Variants in CHRM3 observed in about 807,000 individuals in gnomAD.
CHRM3 encodes muscarinic acetylcholine receptor M3.
In CHRM3, 11 loss-of-function variants were observed where a neutral mutation model predicts 41.8. The ratio of observed to expected loss-of-function variants is 0.26; its 90% CI spans 0.17 to 0.44. The LOEUF (loss-of-function observed/expected upper bound fraction) is 0.44. CHRM3 is among the 20% of genes least tolerant of loss of function. The pLI is 1.00. For missense variants in CHRM3, 571 were observed against 745.4 expected (o/e 0.77, Z 2.72); for synonymous variants, 297 against 301.4 (o/e 0.99, Z 0.15).
At chr1:239,703,534 A>C (rs1417175975) in intron 5 of CHRM3, 1 of 152,178 alleles carries the variant, frequency 6.6e-6, no homozygotes, top group African/African-American at 2.4e-5. Flanking sequence ...CCTCTGACAT[A>C]AGCATTAAAA....
At chr1:239,492,343 A>T (rs1667608226) in intron 1 of CHRM3, among the ~76,000 whole-genome samples, 1 of 152,106 alleles carries the variant, frequency 6.6e-6, no homozygotes, top group East Asian at 1.9e-4. Context: ...TAAGATATTA[A>T]ACTCAACTTC....
At chr1:239,833,237 T>C (rs1465629411) in intron 6 of CHRM3, among the ~76,000 whole-genome samples, 1 of 152,208 alleles carries the variant, frequency 6.6e-6, no homozygotes, top group Non-Finnish European at 1.5e-5. Context: ...TGAAGCTTTT[T>C]CCTTGCATCA....
At chr1:239,440,361 G>A (rs1048775894) in intron 1 of CHRM3, among the ~76,000 whole-genome samples, 4 of 152,140 alleles carry the variant, frequency 2.6e-5, no homozygotes, top group African/African-American at 9.7e-5. Flanking sequence ...AGTGGCTCAT[G>A]CCTATAATCC....
intron 3 of CHRM3, among the ~76,000 whole-genome samples, chr1:239,550,964 G>A (rs1202855917): frequency 6.6e-6 from 1 of 151,544 alleles, no homozygotes; most frequent in East Asian, 1.9e-4. Flanking sequence ...GATTGCTTTT[G>A]TTCAACATTC....
intron 2 of CHRM3, among the ~76,000 whole-genome samples, chr1:239,524,936 A>G (rs1401322861): frequency 6.6e-6 from 1 of 152,192 alleles, no homozygotes; most frequent in Admixed American, 6.5e-5. Flanking sequence ...TAAAGTATTA[A>G]TAAAGTAATT....
intron 6 of CHRM3, among the ~76,000 whole-genome samples, chr1:239,885,486 G>A (rs1188697103): frequency 1.3e-5 from 2 of 151,998 alleles, no homozygotes; most frequent in Non-Finnish European, 2.9e-5. Flanking sequence ...TAAGTGAGTC[G>A]GCTTTTTGAC....
intron 1 of CHRM3, among the ~76,000 whole-genome samples, chr1:239,488,671 C>T (rs918996198): frequency 4.0e-5 from 5 of 123,520 alleles, no homozygotes; most frequent in East Asian, 5.4e-4. Flanking sequence ...GCCGAGATCC[C>T]GCCACTGCAC....
intron 6 of CHRM3, among the ~76,000 whole-genome samples, chr1:239,871,157 A>G (rs1676547108): frequency 6.6e-6 from 1 of 152,208 alleles, no homozygotes; most frequent in African/African-American, 2.4e-5. Flanking sequence ...ATATAATGTT[A>G]TCTAGAAAGA....
At chr1:239,424,695 G>C (rs909550663) in intron 1 of CHRM3, among the ~76,000 whole-genome samples, 2 of 152,196 alleles carry the variant, frequency 1.3e-5, no homozygotes, top group African/African-American at 4.8e-5. Context: ...TTAGTGGAGA[G>C]CATTTCTGTG....
At chr1:239,540,845 T>G (rs1658704848) in intron 2 of CHRM3, among the ~76,000 whole-genome samples, 1 of 152,150 alleles carries the variant, frequency 6.6e-6, no homozygotes, top group Non-Finnish European at 1.5e-5. Context: ...CATTCCATAA[T>G]GTTAAACTGT....
chr1:239,857,714 G>T (rs1483046844), intron 6 of CHRM3, among the ~76,000 whole-genome samples: 1 of 152,062 alleles, frequency 6.6e-6, no homozygotes, highest in East Asian at 1.9e-4. Flanking sequence ...ACCTCAGCTA[G>T]GTCCAGAAAG....
At chr1:239,895,857 C>G (rs147717091) in intron 6 of CHRM3, among the ~76,000 whole-genome samples, 3 of 152,022 alleles carry the variant, frequency 2.0e-5, no homozygotes, top group Non-Finnish European at 4.4e-5. Context: ...TTGAAAATCT[C>G]CTGTTGGGTA....
At chr1:239,753,539 TACTC>T (rs922272923) in intron 5 of CHRM3, among the ~76,000 whole-genome samples, 4 of 152,112 alleles carry the variant, frequency 2.6e-5, no homozygotes, top group African/African-American at 7.2e-5. Flanking sequence ...CATGAGAACT[TACTC>T]ACTATTACAA....
rs1270943906 is a variant in CHRM3 at position 239,911,729 on chromosome 1, A to C, written c.*2505A>C. The C allele has an allele frequency of 6.0e-6, 1 of 166,704 alleles. No individual in the cohort carries two copies. Among genetic ancestry groups the C allele is most frequent in the African/African-American group, 2.4e-5 (1 of 41,396 alleles). 10.3% of individuals were successfully genotyped at this position (166,704 alleles called of 1,614,324 possible). On this transcript the variant is annotated 3_prime_UTR_variant, in exon 7 of 7. Coordinates refer to ENST00000676153, the MANE Select transcript of CHRM3 (RefSeq NM_001375978.1). Reference sequence around the variant, plus strand: ...ACTCTAGGTCTCCCTTTTTTGTTTTACTGGTTTTATTATAGAATTGTTTTT... The same window carrying C: ...ACTCTAGGTCTCCCTTTTTTGTTTTCCTGGTTTTATTATAGAATTGTTTTT...
intron 5 of CHRM3, among the ~76,000 whole-genome samples, chr1:239,716,840 G>A (rs1390346026): frequency 6.6e-6 from 1 of 152,064 alleles, no homozygotes; most frequent in Non-Finnish European, 1.5e-5. Context: ...GAATGTACAG[G>A]AGGGTTCATT....
At chr1:239,866,267 C>G (rs1321042212) in intron 6 of CHRM3, among the ~76,000 whole-genome samples, 2 of 152,074 alleles carry the variant, frequency 1.3e-5, no homozygotes, top group Non-Finnish European at 2.9e-5. Flanking sequence ...GTCCCAGCTA[C>G]TCGGGAGGCT....
intron 3 of CHRM3, among the ~76,000 whole-genome samples, chr1:239,607,231 C>A (rs1376880510): frequency 6.6e-6 from 1 of 152,134 alleles, no homozygotes; most frequent in African/African-American, 2.4e-5. Context: ...TACCTTATCT[C>A]ATCTACAGAA....
chr1:239,478,113 C>T (rs1180467901), intron 1 of CHRM3, among the ~76,000 whole-genome samples: 4 of 152,170 alleles, frequency 2.6e-5, no homozygotes, highest in Admixed American at 6.5e-5. Flanking sequence ...GAGTGGGCTT[C>T]AGCCAAAAGA....
chr1:239,788,662 A>G (rs1669101287), intron 5 of CHRM3, among the ~76,000 whole-genome samples: 1 of 152,028 alleles, frequency 6.6e-6, no homozygotes, highest in South Asian at 2.1e-4. Context: ...GCTACTCGGG[A>G]GGCTGAGGTA....
Sources: allele counts gnomAD v4.1 joint callset (sites outside exome capture counted in the v4.1 genomes callset), GRCh38; gene constraint gnomAD v4.1.1; transcripts MANE v1.5; gene names NCBI Gene and HGNC (gene_info 2026-07-23, HGNC 2026-07-21).